IL16: variants seen among roughly 807,000 people sequenced by gnomAD.
The protein encoded by IL16 is pro-interleukin-16.
IL16 carries 67 observed loss-of-function variants against 110.1 expected under a neutral mutation model. The observed-to-expected ratio is 0.61, with a 90% CI of 0.50 to 0.75. The LOEUF is 0.75. Ranked by LOEUF, IL16 falls within the 30% of genes least tolerant of loss-of-function variation. The probability of loss-of-function intolerance (pLI) is 0.00; values close to 1 mark genes in which losing one functional copy is unlikely to be tolerated. For missense variants in IL16, 1,545 were observed against 1,655.0 expected, an observed-to-expected ratio of 0.93 and a Z score of 1.15; for synonymous variants, 689 against 662.9, an observed-to-expected ratio of 1.04 and a Z score of -0.61.
Position 81,242,363 on chromosome 15 carries a change from A to G in IL16, c.312+16652A>G, listed in dbSNP as rs28867096. ...TTTACTATGCTGAGTTTTTCAATCT[A>G]TGAATATGGTATGTCTCTGTATTTA... On this transcript the variant is annotated intron_variant, in intron 2 of 18. Transcript: ENST00000683961. Among the ~76,000 whole-genome samples the G allele has an allele frequency of 2.6e-3, 394 of 152,280 alleles. 1 individual carries two copies. Among genetic ancestry groups the G allele is most frequent in the African/African-American group, 9.0e-3 (374 of 41,578 alleles).
chr15:81,301,522 C>T lies in IL16; in HGVS notation c.3318+10C>T, dbSNP rs376287822. 3.3e-5 allele frequency: 53 copies of T among 1,609,526 alleles called. No homozygotes were observed. The highest frequency in any genetic ancestry group is 4.3e-5 in the Non-Finnish European group (51 of 1,178,384). On this transcript the variant is annotated intron_variant, in intron 15 of 18. Transcript: ENST00000683961. ...TGAAGCAACATTAAAGGTAGGTTTC[C>T]TTTGTAAGCATCTGCAGTAACCAAT...
intron 1 of IL16, among the ~76,000 whole-genome samples, chr15:81,213,831 G>A (rs1276417743): frequency 6.6e-6 from 1 of 152,062 alleles, no homozygotes; most frequent in Non-Finnish European, 1.5e-5. Flanking sequence ...TATCCAGCTT[G>A]CCCCTCTGTG....
chr15:81,251,926 A>G (rs1417067945), intron 2 of IL16, among the ~76,000 whole-genome samples: 1 of 152,198 alleles, frequency 6.6e-6, no homozygotes, highest in African/African-American at 2.4e-5. Context: ...TAATGCTGTA[A>G]TGTGTTTGGA....
At position 81,299,406 on chromosome 15, in the gene IL16, C is replaced by A. The variant is rs767308266; in HGVS notation, c.2080C>A (p.Pro694Thr). ...PVTQTSPIKHPLLKRQARMDY... is the reference protein window; with the variant it reads ...PVTQTSPIKHTLLKRQARMDY... ...GACCCAAACATCCCCGATAAAACAC[C>A]CACTGCTTAAGAGGCAGGCTCGGAT... Residue 694 changes from proline (P) to threonine (T), a missense_variant, in exon 14 of 19, where the codon CCA becomes ACA. Transcript: ENST00000683961. The A allele has an allele frequency of 6.2e-6, 10 of 1,613,802 alleles. No individual in the cohort carries two copies. The highest frequency in any genetic ancestry group is 8.5e-6 in the Non-Finnish European group (10 of 1,180,024).
At chr15:81,306,635 G>A in intron 18 of IL16, 90 bp downstream of exon 18, 1 of 1,509,928 alleles carries the variant, frequency 6.6e-7, no homozygotes. Flanking sequence ...TCTGGGCTAT[G>A]TTGTTTCCCA....
rs773073585 is a variant in IL16 at position 81,225,506 on chromosome 15, G to A, written c.107G>A (p.Ser36Asn). ...GCTAAGACCAGTGATGATGGCTCTA[G>A]CCCTGATGAGAAATATCCTGATCCC... Reference protein sequence around the residue: ...CNAKTSDDGSSPDEKYPDPFE... With the variant: ...CNAKTSDDGSNPDEKYPDPFE... Residue 36 changes from serine (S) to asparagine (N), a missense_variant, in exon 2 of 19, where the codon AGC becomes AAC. Around this residue, in one of 3 missense-constraint regions of IL16, gnomAD observed 1,185 missense variants for 1,238.8 expected, o/e 0.96. Coordinates refer to ENST00000683961, the MANE Select transcript of IL16 (RefSeq NM_172217.5). 1 of 1,614,114 alleles carries A rather than the reference G, an allele frequency of 6.2e-7. No homozygotes were observed. The highest frequency in any genetic ancestry group is 8.5e-7 in the Non-Finnish European group (1 of 1,180,002).
chr15:81,186,509 A>G (rs979300594), intron 1 of IL16, among the ~76,000 whole-genome samples: 1 of 152,198 alleles, frequency 6.6e-6, no homozygotes, highest in Non-Finnish European at 1.5e-5. Context: ...TGGGTTGTGG[A>G]TAACTTCTCA....
chr15:81,277,199 A>G (rs568597171), intron 6 of IL16, among the ~76,000 whole-genome samples: 1 of 152,206 alleles, frequency 6.6e-6, no homozygotes, highest in Non-Finnish European at 1.5e-5. Flanking sequence ...CAAAGAAGAA[A>G]AAGATGAGCA....
chr15:81,283,795 C>T (rs1899306091), intron 9 of IL16, among the ~76,000 whole-genome samples: 1 of 151,940 alleles, frequency 6.6e-6, no homozygotes, highest in Non-Finnish European at 1.5e-5. Flanking sequence ...GGCCTGAGCT[C>T]AGGAGTTCAA....
intron 11 of IL16, 42 bp from the exon 12 acceptor site, chr15:81,292,514 C>A: frequency 6.2e-7 from 1 of 1,612,740 alleles, no homozygotes; most frequent in South Asian, 1.1e-5. Flanking sequence ...TTTCTGTTTT[C>A]TGAAGCTCAG....
chr15:81,273,021 AGAAG>A, intron 5 of IL16, 65 bp from the exon 6 acceptor site: 1 of 1,264,638 alleles, frequency 7.9e-7, no homozygotes, highest in Non-Finnish European at 1.1e-6. Context: ...GCAGGCCCTC[AGAAG>A]GCATCAGGCC....
chr15:81,274,207 C>G (rs1015420127), intron 6 of IL16, among the ~76,000 whole-genome samples: 3 of 152,236 alleles, frequency 2.0e-5, no homozygotes, highest in South Asian at 2.1e-4. Context: ...GGTAGGCACA[C>G]TACAGTCTGT....
chr15:81,192,311 A>T (rs534514344), upstream of IL16, among the ~76,000 whole-genome samples: 38 of 152,336 alleles, frequency 2.5e-4, no homozygotes, highest in Non-Finnish European at 3.8e-4. Flanking sequence ...TTAAATTTTT[A>T]AAAAAGTGGT....
intron 1 of IL16, among the ~76,000 whole-genome samples, chr15:81,207,622 C>T (rs1896081633): frequency 6.7e-6 from 1 of 150,306 alleles, no homozygotes; most frequent in Non-Finnish European, 1.5e-5. Context: ...TTGAAGTATT[C>T]GGTTTTTTGT....
At chr15:81,190,659 C>G (rs184940947) in intron 1 of IL16, among the ~76,000 whole-genome samples, 17 of 152,268 alleles carry the variant, frequency 1.1e-4, no homozygotes, top group African/African-American at 3.6e-4. Flanking sequence ...CAGGCCTATG[C>G]AAACCTACCC....
Position 81,269,520 on chromosome 15 carries a change from T to G in IL16, c.565-18T>G, listed in dbSNP as rs961773796. The stretch of plus-strand genomic sequence containing the variant: ...CCTATGTGGCTAATCTTCTGCCTAC[T>G]CTGGTTCCTTGTTGCAGGGAACTTC... On this transcript the variant is annotated intron_variant, in intron 4 of 18. Coordinates refer to ENST00000683961, the MANE Select transcript of IL16 (RefSeq NM_172217.5). 1.3e-6 allele frequency: 2 copies of G among 1,582,392 alleles called. No individual in the cohort carries two copies. Among genetic ancestry groups the G allele is most frequent in the African/African-American group, 1.3e-5 (1 of 74,406 alleles).
At position 81,282,690 on chromosome 15, in the gene IL16, G is replaced by A. The variant is rs765070400; in HGVS notation, c.1133G>A (p.Cys378Tyr). The change falls in exon 9 of 19, where the codon TGC becomes TAC. Residue 378 changes from cysteine to tyrosine, a missense_variant. By Grantham distance (194) the Cys-to-Tyr change is radical. This residue lies in a region of IL16 where 1,185 missense variants were observed against 1,238.8 expected (regional missense o/e 0.96). Coordinates refer to ENST00000683961, the MANE Select transcript of IL16 (RefSeq NM_172217.5). ...CTGTGCAGCGTTCCCTACTTCCAAT[G>A]CATCTCTGGCATTTTCGTCCACACG... ...IGLCSVPYFQ[C>Y]ISGIFVHTLS... is the part of the protein sequence containing the mutation. 3 of 1,614,106 alleles carry A rather than the reference G, an allele frequency of 1.9e-6. No homozygotes were observed. The South Asian group carries it at 3.3e-5, about 18-fold the overall frequency.
At chr15:81,289,094 A>G (rs1369059228) in intron 10 of IL16, among the ~76,000 whole-genome samples, 1 of 152,058 alleles carries the variant, frequency 6.6e-6, no homozygotes, top group Admixed American at 6.6e-5. Flanking sequence ...TTACATTCTT[A>G]TCAACAGAGC....
chr15:81,239,791 G>A (rs1595982839), intron 2 of IL16, among the ~76,000 whole-genome samples: 1 of 151,432 alleles, frequency 6.6e-6, no homozygotes, highest in African/African-American at 2.5e-5. Context: ...TTGTTTGTTT[G>A]TTTGTTTGTT....
Sources: gnomAD v4.1 joint callset for allele counts (sites outside exome capture counted in the v4.1 genomes callset) on GRCh38, gnomAD v4.1.1 for gene constraint, gnomAD v4.1.1 regional missense constraint, MANE v1.5 for transcripts, NCBI Gene and HGNC (gene_info 2026-07-23, HGNC 2026-07-21) for gene names.